PSORS1C1: variants seen among roughly 807,000 people sequenced by gnomAD.
PSORS1C1 encodes psoriasis susceptibility 1 candidate gene 1 protein.
A neutral mutation model predicts 9.4 loss-of-function variants in PSORS1C1; 7 were observed. That is an observed-to-expected ratio of 0.75 (90% CI 0.42 to 1.40). The LOEUF is 1.40. PSORS1C1 is among the 40% of genes most tolerant of loss of function. The pLI is 0.01. For synonymous variants in PSORS1C1, 63 were observed against 69.4 expected (o/e 0.91, Z 0.46); for missense variants, 146 against 178.1 (o/e 0.82, Z 1.02).
chr6:31,116,392 G>A (rs1772123804), intron 1 of PSORS1C1: 1 of 1,602,336 alleles, frequency 6.2e-7, no homozygotes, highest in Non-Finnish European at 8.5e-7. Context: ...GGGTAAACCG[G>A]AGCTGCTGGA....
chr6:31,121,229 C>T (rs758673464), intron 1 of PSORS1C1, among the ~76,000 whole-genome samples: 12 of 152,054 alleles, frequency 7.9e-5, no homozygotes, highest in Admixed American at 1.3e-4. Flanking sequence ...CTGATGACCT[C>T]TGTCAAAGCT....
intron 3 of PSORS1C1, among the ~76,000 whole-genome samples, chr6:31,130,680 C>T (rs902490652): frequency 1.3e-4 from 20 of 152,072 alleles, no homozygotes; most frequent in African/African-American, 4.6e-4. Context: ...GGATTACAAG[C>T]GTGAGCCACT....
chr6:31,117,885 G>A (rs1166120425), intron 1 of PSORS1C1: 3 of 313,612 alleles, frequency 9.6e-6, no homozygotes, highest in African/African-American at 2.1e-5. Context: ...GATTGCATGC[G>A]CCCCAGAGTT....
intron 3 of PSORS1C1, among the ~76,000 whole-genome samples, chr6:31,130,470 G>A (rs571881929): frequency 1.8e-4 from 28 of 151,690 alleles, no homozygotes; most frequent in African/African-American, 6.8e-4. Flanking sequence ...GGAGTGCAGT[G>A]GTGCGACCTC....
intron 1 of PSORS1C1, chr6:31,117,346 C>T: frequency 6.3e-7 from 1 of 1,577,778 alleles, no homozygotes; most frequent in Non-Finnish European, 8.6e-7. Context: ...GCTGGAGCTA[C>T]CACTGGAGCC....
intron 1 of PSORS1C1, chr6:31,117,458 C>T (rs1471036139): frequency 1.9e-6 from 3 of 1,555,522 alleles, no homozygotes; most frequent in East Asian, 2.4e-5. Context: ...AGGCAGGGGT[C>T]GTTAGGGGAG....
At chr6:31,138,246 C>G in intron 3 of PSORS1C1, 184 bp from the exon 4 acceptor site, 1 of 1,567,274 alleles carries the variant, frequency 6.4e-7, no homozygotes, top group Non-Finnish European at 8.6e-7. Context: ...TGTTGGGGAG[C>G]CTGCCTCCTC....
At chr6:31,134,459 T>C (rs144113038) in intron 3 of PSORS1C1, among the ~76,000 whole-genome samples, 223 of 151,406 alleles carry the variant, frequency 1.5e-3, no homozygotes, top group Middle Eastern at 0.01. Context: ...CCGGCCACCA[T>C]GCCCGGCTAA....
chr6:31,139,085 A>G lies in PSORS1C1; in HGVS notation c.167+306A>G. ...TGAGTCTGGGTGCCTGGGAACCCCAAGAGGCTTTATAGGGGAGGAGTGGAG... is the reference window on the plus strand; with the variant it reads ...TGAGTCTGGGTGCCTGGGAACCCCAGGAGGCTTTATAGGGGAGGAGTGGAG... On this transcript the variant is annotated intron_variant, in intron 5 of 5. Coordinates refer to ENST00000259881, the MANE Select transcript of PSORS1C1 (RefSeq NM_014068.3). The surrounding 1 kb of genome is among the most constrained non-coding windows in gnomAD (Gnocchi z 5.2). The G allele has an allele frequency of 2.0e-6, 3 of 1,494,988 alleles. No individual in the cohort carries two copies. The highest frequency in any genetic ancestry group is 2.3e-5 in the South Asian group (2 of 88,292). 92.6% of individuals were successfully genotyped at this position (1,494,988 alleles called of 1,614,324 possible).
At chr6:31,123,063 A>G in intron 1 of PSORS1C1, among the ~76,000 whole-genome samples, 1 of 152,120 alleles carries the variant, frequency 6.6e-6, no homozygotes, top group Non-Finnish European at 1.5e-5. Context: ...TTTCTTTGTC[A>G]CATTCCTCCT....
chr6:31,117,041 G>A (rs767198371), intron 1 of PSORS1C1: 2 of 1,614,244 alleles, frequency 1.2e-6, no homozygotes, highest in Middle Eastern at 3.3e-4. Flanking sequence ...CTTTGTCCAG[G>A]CTGGGAAGGG....
At chr6:31,133,897 C>T (rs3130564) in intron 3 of PSORS1C1, among the ~76,000 whole-genome samples, 20,507 of 152,286 alleles carry the variant, frequency 0.13, 1,786 homozygotes, top group Non-Finnish European at 0.2. Flanking sequence ...CTACTAGGCT[C>T]AACCTACAAT....
chr6:31,137,834 A>C, intron 3 of PSORS1C1: 73 of 472,738 alleles, frequency 1.5e-4, no homozygotes, highest in Non-Finnish European at 2.6e-4. Flanking sequence ...AACCGAGGGA[A>C]TGAGGAAGAG....
chr6:31,116,638 T>C, intron 1 of PSORS1C1: 1 of 1,613,016 alleles, frequency 6.2e-7, no homozygotes, highest in Non-Finnish European at 8.5e-7. Flanking sequence ...AGGGTTCTCT[T>C]TGGTGAAGTA....
chr6:31,134,178 A>G (rs925100923), intron 3 of PSORS1C1, among the ~76,000 whole-genome samples: 1 of 150,734 alleles, frequency 6.6e-6, no homozygotes, highest in Non-Finnish European at 1.5e-5. Context: ...ACAGGGATTC[A>G]CCATGTTGGT....
chr6:31,120,482 G>T, intron 1 of PSORS1C1: 2 of 1,354,272 alleles, frequency 1.5e-6, no homozygotes, highest in African/African-American at 1.5e-5. Context: ...TTATGCCAGA[G>T]CTGGACATTC....
intron 3 of PSORS1C1, chr6:31,138,113 GA>G: frequency 1.2e-6 from 2 of 1,604,110 alleles, no homozygotes; most frequent in Admixed American, 1.7e-5. Context: ...GCGGTTCAGG[GA>G]GCCAGACTCC....
chr6:31,125,145 C>T (rs1236546306), intron 1 of PSORS1C1, among the ~76,000 whole-genome samples: 2 of 151,990 alleles, frequency 1.3e-5, no homozygotes, highest in Non-Finnish European at 2.9e-5. Context: ...GGAGTGAGCA[C>T]GAGGAAGAGA....
At chr6:31,136,872 C>T (rs1349205681) in intron 3 of PSORS1C1, among the ~76,000 whole-genome samples, 3 of 152,166 alleles carry the variant, frequency 2.0e-5, no homozygotes, top group African/African-American at 7.2e-5. Context: ...AAGTGTTGGC[C>T]GGGCACGGTG....
Sources: gnomAD v4.1 joint callset for allele counts (sites outside exome capture counted in the v4.1 genomes callset) on GRCh38, gnomAD v4.1.1 for gene constraint, Gnocchi (gnomAD v3.1) non-coding constraint, MANE v1.5 for transcripts, NCBI Gene and HGNC (gene_info 2026-07-23, HGNC 2026-07-21) for gene names.